Variants in PLCG2 observed in about 807,000 individuals in gnomAD.
PLCG2 encodes the protein phospholipase C gamma 2, also known as 1-phosphatidylinositol 4,5-bisphosphate phosphodiesterase gamma-2.
A neutral mutation model predicts 175.6 loss-of-function variants in PLCG2; 69 were observed. That is an observed-to-expected ratio of 0.39 (90% confidence interval 0.32 to 0.48). PLCG2 has a LOEUF of 0.48. PLCG2 is among the 20% of genes least tolerant of loss of function. PLCG2 has a pLI of 0.91. For synonymous variants in PLCG2, 827 were observed against 624.0 expected, an observed-to-expected ratio of 1.33 and a Z score of -4.85; for missense variants, 1,798 against 1,650.9, an observed-to-expected ratio of 1.09 and a Z score of -1.54.
chr16:81,881,095 A>G, intron 8 of PLCG2, 142 bp downstream of exon 8: 3 of 755,556 alleles, frequency 4.0e-6, no homozygotes, highest in Non-Finnish European at 6.9e-6. Context: ...GGAATTGGCC[A>G]TCCCATGCCT....
intron 22 of PLCG2, among the ~76,000 whole-genome samples, chr16:81,925,461 G>C (rs1305772455): frequency 2.6e-5 from 4 of 152,066 alleles, no homozygotes; most frequent in African/African-American, 9.7e-5. Flanking sequence ...GCGGGGGGGC[G>C]TGAAAAGGGC....
chr16:81,921,209 A>G lies in PLCG2; in HGVS notation c.2247A>G (p.Ile749Met). 6.3e-7 allele frequency: 1 copy of G among 1,594,494 alleles called. No homozygotes were observed. Among genetic ancestry groups the G allele is most frequent in the Non-Finnish European group, 8.6e-7 (1 of 1,162,030 alleles). The change falls in exon 21 of 33, where the codon ATA becomes ATG. Residue 749 changes from isoleucine to methionine, a missense_variant. By Grantham distance (10) the Ile-to-Met change is conservative (BLOSUM62 1). Coordinates refer to ENST00000564138, the MANE Select transcript of PLCG2 (RefSeq NM_002661.5). ...LLERYNMERD[I>M]NSLYDVSRMY... ...CTTTTTTTTTCCAGGAAAGAGATAT[A>G]AACTCCCTCTACGACGTCAGCAGAA...
At chr16:81,946,018 A>C (rs1187671356) in intron 30 of PLCG2, among the ~76,000 whole-genome samples, 157 bp from the exon 31 acceptor site, 1 of 152,144 alleles carries the variant, frequency 6.6e-6, no homozygotes, top group East Asian at 1.9e-4. Context: ...AACCATCAGG[A>C]TAGGACCTCT....
At chr16:81,946,371 G>T in intron 31 of PLCG2, 108 bp downstream of exon 31, 1 of 788,844 alleles carries the variant, frequency 1.3e-6, no homozygotes. Flanking sequence ...ATTCAGAATT[G>T]TCTAGCCCAA....
chr16:81,927,193 T>A lies in PLCG2; in HGVS notation c.2514+15T>A. On this transcript the variant is annotated intron_variant, in intron 23 of 32. Transcript: ENST00000564138. ...TAGAAAAGCAGGTGAGTCCCCCTCT[T>A]CGATCCTCTTACAGGAAGAAGGGAT... The A allele has an allele frequency of 6.4e-7, 1 of 1,557,282 alleles. No homozygotes were observed. The highest frequency in any genetic ancestry group is 8.9e-7 in the Non-Finnish European group (1 of 1,128,162).
At chr16:81,911,008 G>C (rs1166266344) in intron 18 of PLCG2, among the ~76,000 whole-genome samples, 1 of 152,014 alleles carries the variant, frequency 6.6e-6, no homozygotes, top group Admixed American at 6.5e-5. Flanking sequence ...ATTTTGGCCT[G>C]GGGATATTCT....
chr16:81,846,486 C>T (rs1053587603), intron 2 of PLCG2, among the ~76,000 whole-genome samples: 1 of 152,222 alleles, frequency 6.6e-6, no homozygotes, highest in Non-Finnish European at 1.5e-5. Flanking sequence ...TAGCACTCTG[C>T]CTAACACAGA....
At chr16:81,777,884 G>A (rs1910473295), upstream of PLCG2, among the ~76,000 whole-genome samples, 3 of 151,476 alleles carry the variant, frequency 2.0e-5, no homozygotes, top group South Asian at 6.3e-4. Flanking sequence ...AAGCATGATG[G>A]CATACACCTA....
At chr16:81,890,105 C>T (rs115443929) in intron 10 of PLCG2, among the ~76,000 whole-genome samples, 156 of 152,110 alleles carry the variant, frequency 1.0e-3, no homozygotes, top group African/African-American at 2.0e-3. Context: ...GCCATGCGAA[C>T]GCCCGAAAAG....
chr16:81,781,142 T>C (rs1910712712), intron 1 of PLCG2, among the ~76,000 whole-genome samples: 1 of 152,212 alleles, frequency 6.6e-6, no homozygotes, highest in Non-Finnish European at 1.5e-5. Flanking sequence ...TAAAGTCAAG[T>C]TGTATCCTCT....
chr16:81,912,000 T>C (rs371599194), intron 18 of PLCG2, among the ~76,000 whole-genome samples: 2 of 152,080 alleles, frequency 1.3e-5, no homozygotes, highest in Non-Finnish European at 2.9e-5. Context: ...GGTTTCACCG[T>C]GTTAGCCAGG....
chr16:81,907,235 A>G (rs947091181), intron 15 of PLCG2, among the ~76,000 whole-genome samples: 4 of 152,150 alleles, frequency 2.6e-5, no homozygotes, highest in Admixed American at 2.0e-4. Flanking sequence ...ATGACAATAA[A>G]ACAGTGACCA....
intron 1 of PLCG2, among the ~76,000 whole-genome samples, chr16:81,750,519 C>A (rs574754681): frequency 6.6e-6 from 1 of 151,832 alleles, no homozygotes; most frequent in African/African-American, 2.4e-5. Flanking sequence ...TCTGCACTGT[C>A]AGGTTCATTG....
At chr16:81,941,165 A>G (rs1436780603) in intron 30 of PLCG2, among the ~76,000 whole-genome samples, 1 of 152,194 alleles carries the variant, frequency 6.6e-6, no homozygotes, top group Non-Finnish European at 1.5e-5. Context: ...TTTTTGTATA[A>G]TATCATAAAC....
At chr16:81,897,351 G>C (rs922935762) in intron 13 of PLCG2, among the ~76,000 whole-genome samples, 2 of 152,006 alleles carry the variant, frequency 1.3e-5, no homozygotes, top group African/African-American at 4.8e-5. Flanking sequence ...TACTAGTTTG[G>C]GCAAAGCACT....
At chr16:81,914,585 G>A (rs1909762857) in intron 19 of PLCG2, among the ~76,000 whole-genome samples, 1 of 152,166 alleles carries the variant, frequency 6.6e-6, no homozygotes, top group Non-Finnish European at 1.5e-5. Flanking sequence ...TTATTTTTTA[G>A]AAGTTAATAG....
intron 31 of PLCG2, among the ~76,000 whole-genome samples, chr16:81,948,068 G>A (rs769403583): frequency 6.4e-5 from 9 of 140,642 alleles, no homozygotes; most frequent in African/African-American, 9.9e-5. Context: ...GAGTCAAGTC[G>A]TTGGCAGTTC....
intron 2 of PLCG2, among the ~76,000 whole-genome samples, chr16:81,819,429 A>C (rs1305306743): frequency 6.6e-6 from 1 of 152,152 alleles, no homozygotes; most frequent in Non-Finnish European, 1.5e-5. Flanking sequence ...GGAGAAGTCA[A>C]GGATTTGGCT....
intron 2 of PLCG2, among the ~76,000 whole-genome samples, chr16:81,762,855 T>G (rs754495100): frequency 3.9e-5 from 6 of 152,078 alleles, no homozygotes; most frequent in Non-Finnish European, 8.8e-5. Flanking sequence ...GCCAGGAGTT[T>G]AAGATCAGCC....
Sources: gnomAD v4.1 joint callset for allele counts (sites outside exome capture counted in the v4.1 genomes callset) on GRCh38, gnomAD v4.1.1 for gene constraint, MANE v1.5 for transcripts, NCBI Gene and HGNC (gene_info 2026-07-23, HGNC 2026-07-21) for gene names.